Variants in IPO5 observed in about 807,000 individuals in gnomAD.
The protein encoded by IPO5 is importin 5.
A neutral mutation model predicts 143.3 loss-of-function variants in IPO5; 18 were observed. The ratio of observed to expected loss-of-function variants is 0.13; its 90% CI spans 0.09 to 0.19. IPO5 has a LOEUF of 0.19. Ranked by LOEUF, IPO5 falls within the 10% of genes least tolerant of loss-of-function variation. The pLI is 1.00. For missense variants in IPO5, 1,013 were observed against 1,336.9 expected (o/e 0.76, Z 3.78); for synonymous variants, 477 against 465.7 (o/e 1.02, Z -0.31).
intron 20 of IPO5, among the ~76,000 whole-genome samples, chr13:98,011,102 T>G (rs1359796832): frequency 6.6e-6 from 1 of 152,076 alleles, no homozygotes; most frequent in Non-Finnish European, 1.5e-5. Flanking sequence ...TTTTAGAAAT[T>G]AATGTATTTC....
chr13:97,960,671 G>C (rs1884798201), intron 2 of IPO5, among the ~76,000 whole-genome samples: 1 of 150,976 alleles, frequency 6.6e-6, no homozygotes, highest in Non-Finnish European at 1.5e-5. Context: ...CAATTCTCCT[G>C]CCTCAGCCTC....
chr13:97,980,021 A>AGGCGGT, intron 4 of IPO5: 1 of 451,648 alleles, frequency 2.2e-6, no homozygotes, highest in Admixed American at 2.4e-5. Flanking sequence ...GAAGAGGCGG[A>AGGCGGT]GGAGAAGTCT....
intron 21 of IPO5, among the ~76,000 whole-genome samples, chr13:98,013,280 C>T (rs1262448612): frequency 7.9e-5 from 12 of 151,988 alleles, no homozygotes; most frequent in Admixed American, 2.0e-4. Flanking sequence ...GCTTTCACCA[C>T]GTTGGCCAGG....
intron 3 of IPO5, among the ~76,000 whole-genome samples, chr13:97,976,199 C>T (rs890042677): frequency 6.6e-6 from 1 of 151,684 alleles, no homozygotes; most frequent in East Asian, 2.0e-4. Context: ...GGCCAGGCCT[C>T]AGGCCCCTTG....
chr13:97,966,734 G>T (rs777224639), intron 2 of IPO5, among the ~76,000 whole-genome samples: 11 of 152,064 alleles, frequency 7.2e-5, no homozygotes, highest in Non-Finnish European at 1.6e-4. Context: ...ATTTTTCTTT[G>T]TGACTTTTAA....
At chr13:98,010,271 A>G (rs369969015) in intron 20 of IPO5, 47 bp downstream of exon 20, 1 of 1,551,252 alleles carries the variant, frequency 6.4e-7, no homozygotes, top group Non-Finnish European at 8.8e-7. Context: ...CATCTTATAT[A>G]CATTTCATAT....
In IPO5 at chr13:98,022,099, GGAAAT is replaced by G. The variant is rs1247633357; in HGVS notation, c.*278_*282del. On this transcript the variant is annotated 3_prime_UTR_variant, in exon 29 of 29. Coordinates refer to ENST00000651721, the MANE Select transcript of IPO5 (RefSeq NM_002271.6). ...TAACCCGCCCACCTGAAGGGGAAAG[GGAAAT>G]CAAATTAATTTTTCTCGTTAGACAT... The G allele has an allele frequency of 3.6e-6, 1 of 280,428 alleles. No individual in the cohort carries two copies. The highest frequency in any genetic ancestry group is 2.1e-5 in the African/African-American group (1 of 46,768). The allele number at this position is 280,428 out of a possible 1,614,324, so 17.4% of individuals were successfully genotyped here. A position where few individuals can be genotyped will look rare whatever the true frequency, so the allele number is the denominator to read the frequency against.
intron 4 of IPO5, chr13:97,981,162 G>T: frequency 2.3e-6 from 1 of 427,576 alleles, no homozygotes; most frequent in East Asian, 7.2e-5. Context: ...AAGATCCTAT[G>T]TGCTTTTTAC....
At chr13:98,016,326 A>G (rs563652123) in intron 24 of IPO5, among the ~76,000 whole-genome samples, 10 of 152,312 alleles carry the variant, frequency 6.6e-5, no homozygotes, top group Admixed American at 5.9e-4. Context: ...CCAAATTGCC[A>G]CTAACAGCGA....
intron 9 of IPO5, among the ~76,000 whole-genome samples, chr13:97,991,922 C>T (rs1157842122): frequency 6.6e-6 from 1 of 152,144 alleles, no homozygotes; most frequent in Non-Finnish European, 1.5e-5. Flanking sequence ...ATTTAGTATC[C>T]ATGGCCTTTG....
In IPO5 at chr13:97,993,207, A is replaced by G. The variant is rs757424968; in HGVS notation, c.895A>G (p.Asn299Asp). The change falls in exon 11 of 29, where the codon AAT becomes GAT. Residue 299 changes from asparagine to aspartate, a missense_variant. This residue lies in a region of IPO5 where 685 missense variants were observed against 994.9 expected (regional missense o/e 0.69). Transcript: ENST00000651721. ...AGCTGCTATGTTAAGAAAACATACC[A>G]ATATTGTTGCACAGACTAGTAAGTC... ...TAAAMLRKHT[N>D]IVAQTIPQML... 6.2e-7 allele frequency: 1 copy of G among 1,614,014 alleles called. No homozygotes were observed. Among genetic ancestry groups the G allele is most frequent in the Non-Finnish European group, 8.5e-7 (1 of 1,179,934 alleles).
intron 11 of IPO5, among the ~76,000 whole-genome samples, chr13:97,995,757 AAATAAT>A (rs796361663): frequency 1.1e-4 from 16 of 151,724 alleles, no homozygotes; most frequent in South Asian, 6.3e-4. Flanking sequence ...TCTGTCTCAA[AAATAAT>A]AATAATAATA....
intron 28 of IPO5, 38 bp downstream of exon 28, chr13:98,021,171 A>G (rs769507890): frequency 8.3e-6 from 13 of 1,561,800 alleles, no homozygotes; most frequent in Non-Finnish European, 1.1e-5. Flanking sequence ...GGGGAGATAA[A>G]ACCTTTTTTT....
In IPO5 at chr13:98,018,491, C is replaced by A; in HGVS notation, c.2623C>A (p.His875Asn). 1 of 1,612,096 alleles carries A rather than the reference C, an allele frequency of 6.2e-7. No individual in the cohort carries two copies. The highest frequency in any genetic ancestry group is 8.5e-7 in the Non-Finnish European group (1 of 1,178,310). ...AAGAGAATTTCTTTTGTAGTGTCCA[C>A]ATAGACCATGGCCAGACAGACAATG... ...LPLIVNLICP[H>N]RPWPDRQWGL... The change falls in exon 26 of 29, where the codon CAT (histidine) becomes AAT (asparagine). Residue 875 changes from histidine to asparagine, a missense_variant. Physicochemically the swap from His to Asn is moderately conservative, Grantham distance 68. Transcript: ENST00000651721.
At chr13:97,959,603 G>A (rs572529658) in intron 2 of IPO5, among the ~76,000 whole-genome samples, 6 of 152,082 alleles carry the variant, frequency 3.9e-5, no homozygotes, top group East Asian at 3.9e-4. Flanking sequence ...GTGTGGTGGC[G>A]GGCGCCTATA....
In IPO5 at chr13:98,021,880, T is replaced by A. The variant is rs1319951668; in HGVS notation, c.*58T>A. Reference sequence around the variant, plus strand: ...TCCAAATAAACGCTTACCCTTTCCTTTAGGTTTCTTTGTTTTGTTTTTGAG... The same window carrying A: ...TCCAAATAAACGCTTACCCTTTCCTATAGGTTTCTTTGTTTTGTTTTTGAG... On this transcript the variant is annotated 3_prime_UTR_variant, in exon 29 of 29. Transcript: ENST00000651721. 1 of 1,222,270 alleles carries A rather than the reference T, an allele frequency of 8.2e-7. No individual in the cohort carries two copies. The highest frequency in any genetic ancestry group is 1.2e-6 in the Non-Finnish European group (1 of 844,448). 75.7% of individuals were successfully genotyped at this position (1,222,270 alleles called of 1,614,324 possible). A position where few individuals can be genotyped will look rare whatever the true frequency, so the allele number is the denominator to read the frequency against.
Position 98,002,530 on chromosome 13 carries a change from A to T in IPO5, c.1172A>T (p.Gln391Leu). The T allele has an allele frequency of 6.2e-7, 1 of 1,614,042 alleles. No homozygotes were observed. Among genetic ancestry groups the T allele is most frequent in the Non-Finnish European group, 8.5e-7 (1 of 1,179,868 alleles). ...TCTGCCATTGGTGAAGGGTGCCACC[A>T]GCAAATGGAAGGAATTCTAAATGAG... ...ALSAIGEGCH[Q>L]QMEGILNEIV... The change falls in exon 14 of 29, where the codon CAG becomes CTG. Residue 391 changes from glutamine (Q) to leucine (L), a missense_variant. This residue lies in a region of IPO5 where 685 missense variants were observed against 994.9 expected (regional missense o/e 0.69). Transcript: ENST00000651721.
At chr13:97,997,470 A>G in intron 11 of IPO5, 61 bp from the exon 12 acceptor site, 2 of 856,468 alleles carry the variant, frequency 2.3e-6, no homozygotes, top group Non-Finnish European at 3.7e-6. Context: ...CTTGTTTATA[A>G]ATAGTGATAT....
At position 98,002,561 on chromosome 13, in the gene IPO5, A is replaced by T; in HGVS notation, c.1203A>T (p.Val401=). 6.2e-7 allele frequency: 1 copy of T among 1,614,040 alleles called. No individual in the cohort carries two copies. The highest frequency in any genetic ancestry group is 2.2e-5 in the East Asian group (1 of 44,878). Residue 401 remains valine (V), a synonymous_variant, in exon 14 of 29, where the codon GTA becomes GTT. Coordinates refer to ENST00000651721, the MANE Select transcript of IPO5 (RefSeq NM_002271.6). Reference sequence around the variant, plus strand: ...TGGAAGGAATTCTAAATGAGATCGTAAATTTTGTTTTACTTTTTCTCCAGG... The same window carrying T: ...TGGAAGGAATTCTAAATGAGATCGTTAATTTTGTTTTACTTTTTCTCCAGG... The part of the protein sequence containing the change: ...QQMEGILNEI[V]NFVLLFLQDP...
Sources: gnomAD v4.1 joint callset for allele counts (sites outside exome capture counted in the v4.1 genomes callset) on GRCh38, gnomAD v4.1.1 for gene constraint, gnomAD v4.1.1 regional missense constraint, MANE v1.5 for transcripts, NCBI Gene and HGNC (gene_info 2026-07-23, HGNC 2026-07-21) for gene names.